SLC4A4: variants seen among roughly 807,000 people sequenced by gnomAD.
The protein encoded by SLC4A4 is electrogenic sodium bicarbonate cotransporter 1.
In SLC4A4, 27 loss-of-function variants were observed where a neutral mutation model predicts 111.5. The observed-to-expected ratio is 0.24, with a 90% CI of 0.18 to 0.33. The LOEUF (loss-of-function observed/expected upper bound fraction) is 0.33, where lower values mean the gene tolerates loss of function less well. Ranked by LOEUF, SLC4A4 falls within the 10% of genes least tolerant of loss-of-function variation. The pLI is 1.00. For missense variants in SLC4A4, 909 were observed against 1,315.5 expected (o/e 0.69, Z 4.78); for synonymous variants, 443 against 463.4 (o/e 0.96, Z 0.57).
At chr4:71,520,539 C>T (rs954106746) in intron 16 of SLC4A4, among the ~76,000 whole-genome samples, 2 of 152,178 alleles carry the variant, frequency 1.3e-5, no homozygotes, top group African/African-American at 2.4e-5. Context: ...TCTTTGATAG[C>T]TATCTACAAA....
chr4:71,455,420 G>A (rs1007121136), intron 12 of SLC4A4, among the ~76,000 whole-genome samples: 1 of 152,086 alleles, frequency 6.6e-6, no homozygotes, highest in Non-Finnish European at 1.5e-5. Flanking sequence ...TATAAAATTT[G>A]ATCTATATCC....
intron 3 of SLC4A4, among the ~76,000 whole-genome samples, chr4:71,320,579 C>G (rs529554929): frequency 6.6e-6 from 1 of 152,102 alleles, no homozygotes; most frequent in African/African-American, 2.4e-5. Context: ...CAGGTGAATG[C>G]GTAATCTCTA....
chr4:71,317,526 C>G (rs926392005), intron 3 of SLC4A4, among the ~76,000 whole-genome samples: 1 of 152,008 alleles, frequency 6.6e-6, no homozygotes, highest in African/African-American at 2.4e-5. Context: ...ATACTCATTG[C>G]AAAGTATTTG....
intron 3 of SLC4A4, among the ~76,000 whole-genome samples, chr4:71,302,534 A>G (rs1053741594): frequency 6.6e-6 from 1 of 152,214 alleles, no homozygotes. Context: ...AAGGGAAGGT[A>G]TGGAAATGAG....
intron 2 of SLC4A4, among the ~76,000 whole-genome samples, chr4:71,102,247 G>A (rs1483288306): frequency 2.7e-5 from 4 of 149,484 alleles, no homozygotes; most frequent in Non-Finnish European, 5.9e-5. Flanking sequence ...AATGAGCAAA[G>A]CCTCCAAGAA....
intron 1 of SLC4A4, among the ~76,000 whole-genome samples, chr4:71,085,149 T>C (rs1422503015): frequency 6.6e-6 from 1 of 152,116 alleles, no homozygotes; most frequent in African/African-American, 2.4e-5. Context: ...ATTTCTCTGT[T>C]GGCCAGTGAA....
At chr4:71,069,398 CCAAA>C (rs1327107892) in intron 1 of SLC4A4, among the ~76,000 whole-genome samples, 2 of 152,036 alleles carry the variant, frequency 1.3e-5, no homozygotes, top group Non-Finnish European at 2.9e-5. Flanking sequence ...AAGAACAAAA[CCAAA>C]CAGACTTGAA....
intron 2 of SLC4A4, among the ~76,000 whole-genome samples, chr4:71,153,288 G>T (rs1744367963): frequency 1.3e-5 from 2 of 151,976 alleles, no homozygotes; most frequent in African/African-American, 2.4e-5. Flanking sequence ...CCACGTTAAG[G>T]GTGGGTCTGC....
intron 4 of SLC4A4, among the ~76,000 whole-genome samples, chr4:71,346,936 C>G (rs1324107091): frequency 6.6e-6 from 1 of 152,040 alleles, no homozygotes; most frequent in African/African-American, 2.4e-5. Context: ...TCAATATTTA[C>G]TGAACTTAAA....
rs1389160654 is a variant in SLC4A4, at chr4:71,571,765, A to G, written c.*4014A>G. 6.6e-6 allele frequency: 1 copy of G among 152,246 alleles called. No homozygotes were observed. Among genetic ancestry groups the G allele is most frequent in the Admixed American group, 6.6e-5 (1 of 15,176 alleles). The allele number at this position is 152,246 out of a possible 1,614,324, so 9.4% of individuals were successfully genotyped here. ...TCGTACGCATTACTTTTCAGAATCAATACGCACTTTCAGATATTCTTATTT... is the reference window on the plus strand; with the variant it reads ...TCGTACGCATTACTTTTCAGAATCAGTACGCACTTTCAGATATTCTTATTT... On this transcript the variant is annotated 3_prime_UTR_variant, in exon 26 of 26. Coordinates refer to ENST00000264485, the MANE Select transcript of SLC4A4 (RefSeq NM_001098484.3).
intron 7 of SLC4A4, among the ~76,000 whole-genome samples, chr4:71,416,797 G>C (rs367568796): frequency 5.9e-5 from 9 of 152,076 alleles, no homozygotes; most frequent in African/African-American, 2.2e-4. Flanking sequence ...ACCAATATGA[G>C]ATTCAAAATC....
chr4:71,163,927 C>T (rs1242247526), intron 2 of SLC4A4, among the ~76,000 whole-genome samples: 1 of 152,202 alleles, frequency 6.6e-6, no homozygotes, highest in Non-Finnish European at 1.5e-5. Flanking sequence ...ATATAACAAG[C>T]CCCTACATTC....
chr4:71,377,411 C>G (rs1333388482), intron 6 of SLC4A4, among the ~76,000 whole-genome samples: 1 of 152,106 alleles, frequency 6.6e-6, no homozygotes. Flanking sequence ...GACTGTGATT[C>G]CTCTTTGTTC....
chr4:71,286,887 G>A (rs1374433004), intron 3 of SLC4A4, among the ~76,000 whole-genome samples: 1 of 151,994 alleles, frequency 6.6e-6, no homozygotes, highest in East Asian at 1.9e-4. Context: ...ACACTGTGAG[G>A]TAAATGTTAT....
chr4:71,282,619 A>G (rs973734569), intron 3 of SLC4A4, among the ~76,000 whole-genome samples: 5 of 146,846 alleles, frequency 3.4e-5, no homozygotes, highest in Admixed American at 1.4e-4. Flanking sequence ...GTCTCACTCT[A>G]TTGTCTAGGC....
intron 2 of SLC4A4, among the ~76,000 whole-genome samples, chr4:71,254,545 G>A (rs1353708101): frequency 6.6e-6 from 1 of 151,858 alleles, no homozygotes; most frequent in Non-Finnish European, 1.5e-5. Flanking sequence ...ATTCATTTTA[G>A]CTGTTTCCTA....
chr4:71,567,129 C>T (rs767616732), intron 25 of SLC4A4, 46 bp downstream of exon 25: 6 of 1,442,608 alleles, frequency 4.2e-6, no homozygotes, highest in African/African-American at 1.4e-5. Flanking sequence ...GGATAATTGC[C>T]CCACAGAAAT....
At chr4:71,432,326 G>T (rs1723708664) in intron 7 of SLC4A4, among the ~76,000 whole-genome samples, 1 of 152,126 alleles carries the variant, frequency 6.6e-6, no homozygotes, top group South Asian at 2.1e-4. Flanking sequence ...TCTCTGGAGA[G>T]AGTTTGAGGA....
intron 1 of SLC4A4, among the ~76,000 whole-genome samples, chr4:71,193,512 A>T (rs969417814): frequency 6.6e-6 from 1 of 152,170 alleles, no homozygotes; most frequent in East Asian, 1.9e-4. Context: ...GGACGGTTTT[A>T]GTAGATAGTG....
Sources: gnomAD v4.1 joint callset for allele counts (sites outside exome capture counted in the v4.1 genomes callset) on GRCh38, gnomAD v4.1.1 for gene constraint, MANE v1.5 for transcripts, NCBI Gene and HGNC (gene_info 2026-07-23, HGNC 2026-07-21) for gene names.